Variants in PRKG1 observed in about 807,000 individuals in gnomAD.
The protein encoded by PRKG1 is cGMP-dependent protein kinase 1.
In PRKG1, 35 loss-of-function variants were observed where a neutral mutation model predicts 88.1. The ratio of observed to expected loss-of-function variants is 0.40; its 90% CI spans 0.30 to 0.53. PRKG1 has a LOEUF of 0.53. Among genes scored for constraint, PRKG1 ranks in the 20% least tolerant of loss-of-function variants. The probability of loss-of-function intolerance (pLI) is 0.59; values close to 1 mark genes in which losing one functional copy is unlikely to be tolerated. For missense variants in PRKG1, 540 were observed against 839.8 expected (o/e 0.64, Z 4.41); for synonymous variants, 303 against 292.5 (o/e 1.04, Z -0.37).
intron 9 of PRKG1, among the ~76,000 whole-genome samples, chr10:52,187,080 CTT>C (rs1839219725): frequency 6.6e-6 from 1 of 152,074 alleles, no homozygotes; most frequent in African/African-American, 2.4e-5. Context: ...ATTTAGAAAA[CTT>C]TATTTTTACT....
chr10:51,049,102 C>T (rs929584598), intron 1 of PRKG1, among the ~76,000 whole-genome samples: 1 of 152,140 alleles, frequency 6.6e-6, no homozygotes, highest in African/African-American at 2.4e-5. Flanking sequence ...AGAGCTCCCG[C>T]GTCCCACACC....
At chr10:51,621,799 A>T (rs1318735438) in intron 3 of PRKG1, among the ~76,000 whole-genome samples, 1 of 152,192 alleles carries the variant, frequency 6.6e-6, no homozygotes, top group African/African-American at 2.4e-5. Flanking sequence ...CCAGTGAATA[A>T]TTCTCACCTT....
At chr10:51,703,214 C>T (rs1257219857) in intron 3 of PRKG1, among the ~76,000 whole-genome samples, 1 of 152,098 alleles carries the variant, frequency 6.6e-6, no homozygotes, top group Non-Finnish European at 1.5e-5. Context: ...AAATTCTATA[C>T]ACTTTGAAGG....
intron 9 of PRKG1, among the ~76,000 whole-genome samples, chr10:52,229,741 C>T (rs1007780221): frequency 2.0e-5 from 3 of 152,102 alleles, no homozygotes; most frequent in Non-Finnish European, 4.4e-5. Context: ...TGAAGGTAAG[C>T]GTCTTGTGCT....
intron 5 of PRKG1, among the ~76,000 whole-genome samples, chr10:52,014,392 C>T (rs1385631382): frequency 6.6e-6 from 1 of 152,146 alleles, no homozygotes; most frequent in Non-Finnish European, 1.5e-5. Flanking sequence ...AACTCATGCA[C>T]TATCCCTATC....
chr10:51,948,627 T>A (rs1164459795), intron 5 of PRKG1, among the ~76,000 whole-genome samples: 1 of 152,084 alleles, frequency 6.6e-6, no homozygotes, highest in East Asian at 1.9e-4. Context: ...AAATTCAGTC[T>A]TGGTGACCTG....
intron 6 of PRKG1, among the ~76,000 whole-genome samples, chr10:52,059,392 T>G (rs187805638): frequency 6.6e-6 from 1 of 151,248 alleles, no homozygotes; most frequent in Admixed American, 6.6e-5. Context: ...CTATTCATAA[T>G]TGCCAAAACT....
chr10:52,187,233 C>G (rs897629388), intron 9 of PRKG1, among the ~76,000 whole-genome samples: 2 of 152,064 alleles, frequency 1.3e-5, no homozygotes, highest in African/African-American at 4.8e-5. Flanking sequence ...AATACTTCAT[C>G]TCAGTTTGCT....
intron 1 of PRKG1, among the ~76,000 whole-genome samples, chr10:51,141,175 G>T (rs543779505): frequency 4.5e-4 from 68 of 152,234 alleles, no homozygotes; most frequent in Non-Finnish European, 7.9e-4. Context: ...CCTTTAACTA[G>T]CTGGAGGCCT....
At chr10:51,607,160 A>G (rs1393798841) in intron 3 of PRKG1, among the ~76,000 whole-genome samples, 1 of 152,214 alleles carries the variant, frequency 6.6e-6, no homozygotes, top group African/African-American at 2.4e-5. Context: ...GTAGACTCTC[A>G]CTGAGAGGCT....
In PRKG1 at chr10:51,492,008, C is replaced by T. The variant is rs149725622; in HGVS notation, c.592+24172C>T. On this transcript the variant is annotated intron_variant, in intron 3 of 17. Transcript: ENST00000373980. ...CAGCTTTCTGATTCTAAACCTAGTA[C>T]AAGCCCTGGCTCTGCCAATTTCAAT... Among the ~76,000 whole-genome samples the T allele has an allele frequency of 1.3e-3, 191 of 152,250 alleles. 3 individuals are homozygous for T. In the East Asian group the frequency reaches 0.03, roughly 24 times the overall value.
At chr10:51,413,238 A>C (rs1838147537) in intron 2 of PRKG1, among the ~76,000 whole-genome samples, 1 of 151,844 alleles carries the variant, frequency 6.6e-6, no homozygotes, top group East Asian at 1.9e-4. Context: ...TATTGTTGTT[A>C]TTTCTTTCTT....
chr10:51,329,779 C>T, intron 2 of PRKG1, among the ~76,000 whole-genome samples: 1 of 152,032 alleles, frequency 6.6e-6, no homozygotes, highest in Middle Eastern at 3.2e-3. Context: ...CCATCCCACT[C>T]TCTCCTGGCC....
intron 4 of PRKG1, among the ~76,000 whole-genome samples, chr10:51,875,953 T>TTTC: frequency 6.9e-6 from 1 of 144,100 alleles, no homozygotes; most frequent in East Asian, 2.0e-4. Context: ...TCTTTCTTTC[T>TTTC]TTTTTTTTTT....
At chr10:51,254,563 A>C (rs1180460656) in intron 2 of PRKG1, among the ~76,000 whole-genome samples, 1 of 152,030 alleles carries the variant, frequency 6.6e-6, no homozygotes, top group African/African-American at 2.4e-5. Flanking sequence ...CTTACATAGC[A>C]GCAAAGAAAG....
intron 5 of PRKG1, among the ~76,000 whole-genome samples, chr10:52,001,522 T>A (rs552852358): frequency 7.9e-5 from 12 of 152,026 alleles, no homozygotes; most frequent in Admixed American, 5.2e-4. Context: ...TTGTTGAAAA[T>A]TTTTGCCTCT....
chr10:51,698,499 G>C (rs1389420407), intron 3 of PRKG1: 1 of 1,614,114 alleles, frequency 6.2e-7, no homozygotes, highest in Non-Finnish European at 8.5e-7. Context: ...TAACCTCTGG[G>C]CTCCACTTCT....
intron 7 of PRKG1, among the ~76,000 whole-genome samples, chr10:52,095,324 T>TC (rs1161199723): frequency 6.6e-6 from 1 of 150,418 alleles, no homozygotes; most frequent in Non-Finnish European, 1.5e-5. Flanking sequence ...TGACACCTTA[T>TC]TTAATTCTGC....
chr10:51,218,354 A>G (rs2132085506), intron 2 of PRKG1, among the ~76,000 whole-genome samples: 1 of 151,726 alleles, frequency 6.6e-6, no homozygotes, highest in African/African-American at 2.4e-5. Context: ...TGGTTCATAC[A>G]CTATCCTCAA....
Sources: gnomAD v4.1 joint callset for allele counts (sites outside exome capture counted in the v4.1 genomes callset) on GRCh38, gnomAD v4.1.1 for gene constraint, MANE v1.5 for transcripts, NCBI Gene and HGNC (gene_info 2026-07-23, HGNC 2026-07-21) for gene names.